Variants in TM9SF2 observed in about 807,000 individuals in gnomAD.
The protein encoded by TM9SF2 is transmembrane 9 superfamily member 2, also known as 76 kDa membrane protein.
In TM9SF2, 13 loss-of-function variants were observed where a neutral mutation model predicts 84.9. That is an observed-to-expected ratio of 0.15 (90% CI 0.10 to 0.24). The LOEUF (loss-of-function observed/expected upper bound fraction) is 0.24, where lower values mean the gene tolerates loss of function less well. TM9SF2 is among the 10% of genes least tolerant of loss of function. TM9SF2 has a pLI of 1.00. For synonymous variants in TM9SF2, 273 were observed against 285.8 expected, an observed-to-expected ratio of 0.96 and a Z score of 0.45; for missense variants, 562 against 818.5, an observed-to-expected ratio of 0.69 and a Z score of 3.82.
intron 4 of TM9SF2, among the ~76,000 whole-genome samples, chr13:99,532,820 A>G (rs1328268428): frequency 6.6e-6 from 1 of 152,234 alleles, no homozygotes; most frequent in African/African-American, 2.4e-5. Flanking sequence ...AATTTACTGA[A>G]TGATTTGTAA....
At chr13:99,523,848 T>C (rs2046170654) in intron 3 of TM9SF2, among the ~76,000 whole-genome samples, 1 of 152,090 alleles carries the variant, frequency 6.6e-6, no homozygotes, top group African/African-American at 2.4e-5. Flanking sequence ...TGTGAAGGTG[T>C]GTGGGGAATT....
At chr13:99,536,840 A>T in intron 5 of TM9SF2, 103 bp downstream of exon 5, 1 of 1,281,864 alleles carries the variant, frequency 7.8e-7, no homozygotes, top group South Asian at 1.5e-5. Flanking sequence ...ATGAGTGTAC[A>T]GTTCAGATGT....
chr13:99,528,616 T>C (rs1355307430), intron 3 of TM9SF2, among the ~76,000 whole-genome samples: 2 of 152,214 alleles, frequency 1.3e-5, no homozygotes, highest in Non-Finnish European at 2.9e-5. Context: ...GTGTATACTT[T>C]TTTGTTTTTC....
intron 9 of TM9SF2, 97 bp from the exon 10 acceptor site, chr13:99,543,766 C>A: frequency 8.2e-6 from 12 of 1,454,578 alleles, no homozygotes; most frequent in South Asian, 3.1e-5. Context: ...TAAAAAAAAC[C>A]TGTTTTCTGT....
intron 15 of TM9SF2, among the ~76,000 whole-genome samples, chr13:99,558,228 G>A (rs1432294528): frequency 2.0e-5 from 3 of 152,182 alleles, no homozygotes; most frequent in Non-Finnish European, 2.9e-5. Context: ...CTGTGGCTTC[G>A]TAGTAAGTTT....
chr13:99,553,276 C>T (rs1401898347), intron 13 of TM9SF2, among the ~76,000 whole-genome samples: 4 of 152,188 alleles, frequency 2.6e-5, no homozygotes, highest in African/African-American at 7.2e-5. Flanking sequence ...CCCGGAAGGC[C>T]CTGGCAGAAG....
chr13:99,514,957 AG>A (rs2046127978), intron 1 of TM9SF2, among the ~76,000 whole-genome samples: 1 of 152,246 alleles, frequency 6.6e-6, no homozygotes, highest in South Asian at 2.1e-4. Flanking sequence ...CAGAACGTTG[AG>A]GAACAGGGAA....
chr13:99,520,115 C>A lies in TM9SF2; in HGVS notation c.319C>A (p.Pro107Thr). ...GQVLFGERIE[P>T]SPYKFTFNKK... Reference sequence around the variant, plus strand: ...GGTACTATTCGGGGAAAGAATTGAACCTTCACCATATAAGGTTTGTATTTA... The same window carrying A: ...GGTACTATTCGGGGAAAGAATTGAAACTTCACCATATAAGGTTTGTATTTA... Residue 107 changes from proline (P) to threonine (T), a missense_variant, in exon 3 of 17, where the codon CCT becomes ACT. Transcript: ENST00000376387. 2 of 1,613,208 alleles carry A rather than the reference C, an allele frequency of 1.2e-6. No homozygotes were observed. The highest frequency in any genetic ancestry group is 2.2e-5 in the East Asian group (1 of 44,830).
At chr13:99,508,175 C>T (rs1386409497) in intron 1 of TM9SF2, among the ~76,000 whole-genome samples, 1 of 152,112 alleles carries the variant, frequency 6.6e-6, no homozygotes, top group Non-Finnish European at 1.5e-5. Flanking sequence ...TCTGCAACTT[C>T]CTTAAAATGT....
At chr13:99,535,451 C>T (rs1364680346) in intron 4 of TM9SF2, among the ~76,000 whole-genome samples, 1 of 152,090 alleles carries the variant, frequency 6.6e-6, no homozygotes, top group Admixed American at 6.5e-5. Flanking sequence ...TTAACGGATT[C>T]GTTAAGCTTT....
chr13:99,527,216 TA>T (rs1156902505), intron 3 of TM9SF2, among the ~76,000 whole-genome samples: 2 of 152,140 alleles, frequency 1.3e-5, no homozygotes. Context: ...GTAGAGGGCA[TA>T]ATGGGATTAG....
At chr13:99,503,732 A>AAAAAT (rs1491280305) in intron 1 of TM9SF2, among the ~76,000 whole-genome samples, 1 of 146,194 alleles carries the variant, frequency 6.8e-6, no homozygotes, top group African/African-American at 2.5e-5. Flanking sequence ...AAAAAAAAAA[A>AAAAAT]GAAGAAGAAG....
intron 4 of TM9SF2, 113 bp downstream of exon 4, chr13:99,529,707 C>CT (rs559563708): frequency 7.6e-5 from 92 of 1,204,732 alleles, no homozygotes; most frequent in South Asian, 8.6e-5. Flanking sequence ...AATTGATTTC[C>CT]TTTTTTTTGT....
intron 1 of TM9SF2, among the ~76,000 whole-genome samples, chr13:99,511,416 A>G (rs561176083): frequency 3.3e-5 from 5 of 152,284 alleles, no homozygotes; most frequent in East Asian, 1.9e-4. Context: ...ATTTTTAACA[A>G]TTGTTCCACT....
intron 1 of TM9SF2, among the ~76,000 whole-genome samples, chr13:99,506,777 A>G (rs1017850215): frequency 5.3e-5 from 8 of 152,332 alleles, no homozygotes; most frequent in Admixed American, 1.3e-4. Context: ...ACAGACACAC[A>G]TCGGCACTAC....
intron 12 of TM9SF2, 146 bp from the exon 13 acceptor site, chr13:99,552,021 G>A: frequency 1.3e-6 from 1 of 798,552 alleles, no homozygotes; most frequent in Admixed American, 3.4e-5. Flanking sequence ...TTCTAGTCAA[G>A]TTTTACATTC....
intron 1 of TM9SF2, among the ~76,000 whole-genome samples, chr13:99,517,394 GC>G (rs776338594): frequency 6.6e-6 from 1 of 152,178 alleles, no homozygotes; most frequent in Non-Finnish European, 1.5e-5. Flanking sequence ...TAAGGGGCTG[GC>G]ATTACAGGTG....
At chr13:99,508,439 A>ACACACACCCC (rs1173676529) in intron 1 of TM9SF2, among the ~76,000 whole-genome samples, 3 of 151,448 alleles carry the variant, frequency 2.0e-5, no homozygotes, top group African/African-American at 4.9e-5. Flanking sequence ...ACACACACAC[A>ACACACACCCC]CACACCCCAG....
chr13:99,538,174 G>A (rs1389944168), intron 6 of TM9SF2, among the ~76,000 whole-genome samples: 1 of 152,146 alleles, frequency 6.6e-6, no homozygotes, highest in Non-Finnish European at 1.5e-5. Flanking sequence ...TCCCCTTCGT[G>A]GTGGAAAGAA....
Sources: allele counts gnomAD v4.1 joint callset (sites outside exome capture counted in the v4.1 genomes callset), GRCh38; gene constraint gnomAD v4.1.1; transcripts MANE v1.5; gene names NCBI Gene and HGNC (gene_info 2026-07-23, HGNC 2026-07-21).